The following USP49 variants were observed in gnomAD, a reference collection of about 807,000 sequenced individuals.
The protein encoded by USP49 is ubiquitin carboxyl-terminal hydrolase 49.
A neutral mutation model predicts 58.6 loss-of-function variants in USP49; 24 were observed. That is an observed-to-expected ratio of 0.41 (90% CI 0.30 to 0.58). The LOEUF (loss-of-function observed/expected upper bound fraction) is 0.58. USP49 is among the 20% of genes least tolerant of loss of function. USP49 has a pLI of 0.30. For missense variants in USP49, 703 were observed against 866.1 expected, an observed-to-expected ratio of 0.81 and a Z score of 2.36; for synonymous variants, 408 against 365.1, an observed-to-expected ratio of 1.12 and a Z score of -1.34.
intron 3 of USP49, among the ~76,000 whole-genome samples, chr6:41,869,097 T>TTA (rs1774372310): frequency 1.3e-5 from 2 of 150,552 alleles, no homozygotes; most frequent in African/African-American, 4.9e-5. Context: ...TTTTTTTTTT[T>TTA]AATTTTAACA....
chr6:41,806,333 G>A lies in USP49; in HGVS notation c.651C>T (p.Arg217=). ...KSARLLLHTP[R]DAGPAASRPA... ...GGCGCGAGGCAGCCGGGCCCGCGTC[G>A]CGGGGCGTGTGCAGGAGCAGCCGTG... The change falls in exon 4 of 8, where the codon CGC becomes CGT. Residue 217 remains arginine (R), a synonymous_variant. Transcript: ENST00000682992. The surrounding 1 kb of genome is among the most constrained non-coding windows in gnomAD (Gnocchi z 5.9). The A allele has an allele frequency of 2.0e-6, 3 of 1,531,450 alleles. No homozygotes were observed. The highest frequency in any genetic ancestry group is 2.3e-5 in the East Asian group (1 of 43,868). The allele number at this position is 1,531,450 out of a possible 1,614,324, so 94.9% of individuals were successfully genotyped here. A position where few individuals can be genotyped will look rare whatever the true frequency, so the allele number is the denominator to read the frequency against.
chr6:41,837,784 A>T (rs1773753303), intron 3 of USP49, among the ~76,000 whole-genome samples: 1 of 152,232 alleles, frequency 6.6e-6, no homozygotes, highest in Non-Finnish European at 1.5e-5. Context: ...CCCATTAGAA[A>T]GTGGGCAAAG....
intron 6 of USP49, 65 bp downstream of exon 6, chr6:41,799,765 C>A: frequency 6.2e-6 from 9 of 1,450,216 alleles, no homozygotes; most frequent in Middle Eastern, 1.8e-4. Context: ...TTTGCCCTCA[C>A]CAAAGCCTTT....
intron 3 of USP49, among the ~76,000 whole-genome samples, chr6:41,824,368 CA>C (rs1773501554): frequency 6.6e-6 from 1 of 151,346 alleles, no homozygotes; most frequent in East Asian, 1.9e-4. Context: ...TGTTTAATAG[CA>C]ACACAGTGCA....
In USP49 at chr6:41,809,328, G is replaced by A. The variant is rs560119152; in HGVS notation, c.-28-2317C>T. On this transcript the variant is annotated intron_variant, in intron 3 of 7. Transcript: ENST00000682992. ...ACCTAAGGTCAGGAGCTCGAGACCA[G>A]ACTGACCAACATGGTGAAACCCCAT... Among the ~76,000 whole-genome samples the A allele has an allele frequency of 2.1e-3, 322 of 151,224 alleles. 2 individuals carry two copies. The highest frequency in any genetic ancestry group is 7.5e-3 in the African/African-American group (310 of 41,262).
intron 3 of USP49, among the ~76,000 whole-genome samples, chr6:41,851,893 G>A (rs370943233): frequency 7.0e-6 from 1 of 142,096 alleles, no homozygotes; most frequent in South Asian, 2.2e-4. Flanking sequence ...AGCAGAGGCT[G>A]CAGTGAGCTG....
At chr6:41,876,262 CAT>C (rs1774502872) in intron 2 of USP49, among the ~76,000 whole-genome samples, 2 of 152,162 alleles carry the variant, frequency 1.3e-5, no homozygotes, top group Admixed American at 6.5e-5. Flanking sequence ...GGAGTGGAAA[CAT>C]ATCTTCATTG....
Position 41,791,666 on chromosome 6 carries a change from G to C in USP49, c.*4867C>G, listed in dbSNP as rs1772800045. 1 of 152,218 alleles carries C rather than the reference G, an allele frequency of 6.6e-6. No individual in the cohort carries two copies. The highest frequency in any genetic ancestry group is 6.5e-5 in the Admixed American group (1 of 15,276). 9.4% of individuals were successfully genotyped at this position (152,218 alleles called of 1,614,324 possible). ...AGATTTTAAACGAAATATGCCAGCA[G>C]AAGTATGGAATGAGTCCACAAAAAT... On this transcript the variant is annotated 3_prime_UTR_variant, in exon 8 of 8. Transcript: ENST00000682992.
In USP49 at chr6:41,811,920, T is replaced by C. The variant is rs954719997; in HGVS notation, c.-28-4909A>G. Reference sequence around the variant, plus strand: ...AAAATATCAAGATGCAGACAATTCCTGTTTCTCACTCTCACTAATTCAATA... The same window carrying C: ...AAAATATCAAGATGCAGACAATTCCCGTTTCTCACTCTCACTAATTCAATA... On this transcript the variant is annotated intron_variant, in intron 3 of 7. Transcript: ENST00000682992. Among the ~76,000 whole-genome samples, 6 of 152,180 alleles carry C rather than the reference T, an allele frequency of 3.9e-5. No homozygotes were observed. In the South Asian group the frequency reaches 1.0e-3, roughly 26 times the overall value.
At chr6:41,816,744 G>T (rs1773358872) in intron 3 of USP49, among the ~76,000 whole-genome samples, 1 of 150,770 alleles carries the variant, frequency 6.6e-6, no homozygotes, top group Admixed American at 6.6e-5. Context: ...TTGAGACAGG[G>T]TCTTACTCAG....
At chr6:41,866,199 G>T (rs141799333) in intron 3 of USP49, among the ~76,000 whole-genome samples, 45 of 151,664 alleles carry the variant, frequency 3.0e-4, no homozygotes, top group African/African-American at 1.1e-3. Context: ...GTATACAGGC[G>T]TTAGCCACTG....
intron 3 of USP49, among the ~76,000 whole-genome samples, chr6:41,813,207 C>A (rs1196126421): frequency 6.6e-6 from 1 of 152,142 alleles, no homozygotes; most frequent in Non-Finnish European, 1.5e-5. Context: ...CTTTTTGTGT[C>A]CTTTCCTTCG....
intron 3 of USP49, among the ~76,000 whole-genome samples, chr6:41,830,787 C>T (rs763816493): frequency 3.3e-5 from 5 of 151,810 alleles, no homozygotes; most frequent in Non-Finnish European, 7.4e-5. Context: ...CGCACCACTG[C>T]ACTCCAGCCT....
intron 2 of USP49, among the ~76,000 whole-genome samples, chr6:41,878,289 T>C (rs1240898921): frequency 6.6e-6 from 1 of 152,174 alleles, no homozygotes; most frequent in African/African-American, 2.4e-5. Flanking sequence ...TCAGGTAGAA[T>C]TCAAGAATCC....
At position 41,789,899 on chromosome 6, in the gene USP49, A is replaced by G. The variant is rs1772764471; in HGVS notation, c.*6634T>C. ...ATAAATACCGCACACAAAGGCAGTCATTTTATTCTTTTAATAAGAAACTTT... is the reference window on the plus strand; with the variant it reads ...ATAAATACCGCACACAAAGGCAGTCGTTTTATTCTTTTAATAAGAAACTTT... On this transcript the variant is annotated 3_prime_UTR_variant, in exon 8 of 8. Coordinates refer to ENST00000682992, the MANE Select transcript of USP49 (RefSeq NM_001286554.2). 2.0e-5 allele frequency: 3 copies of G among 152,222 alleles called. No homozygotes were observed. Among genetic ancestry groups the G allele is most frequent in the African/African-American group, 7.2e-5 (3 of 41,460 alleles). 9.4% of individuals were successfully genotyped at this position (152,222 alleles called of 1,614,324 possible).
chr6:41,794,782 A>G lies in USP49; in HGVS notation c.*1751T>C, dbSNP rs541151447. Reference sequence around the variant, plus strand: ...AAAATGCCATACGCTATCGCTTCCAAATAAAAGCTAAATATTACAGAAACC... The same window carrying G: ...AAAATGCCATACGCTATCGCTTCCAGATAAAAGCTAAATATTACAGAAACC... On this transcript the variant is annotated 3_prime_UTR_variant, in exon 8 of 8. Coordinates refer to ENST00000682992, the MANE Select transcript of USP49 (RefSeq NM_001286554.2). The G allele has an allele frequency of 6.6e-6, 1 of 152,378 alleles. No individual in the cohort carries two copies. Among genetic ancestry groups the G allele is most frequent in the Admixed American group, 6.5e-5 (1 of 15,308 alleles). The allele number at this position is 152,378 out of a possible 1,614,324, so 9.4% of individuals were successfully genotyped here.
At chr6:41,802,313 C>T (rs1773015085) in intron 5 of USP49, among the ~76,000 whole-genome samples, 1 of 151,786 alleles carries the variant, frequency 6.6e-6, no homozygotes, top group African/African-American at 2.4e-5. Context: ...TGAGCCACTA[C>T]ACCTGGCCTC....
chr6:41,818,507 T>C (rs1305609266), intron 3 of USP49, among the ~76,000 whole-genome samples: 2 of 152,242 alleles, frequency 1.3e-5, no homozygotes, highest in Admixed American at 1.3e-4. Flanking sequence ...CAAAGGGGCC[T>C]ACTTGCTACA....
intron 5 of USP49, among the ~76,000 whole-genome samples, chr6:41,800,925 G>A (rs1772985850): frequency 6.6e-6 from 1 of 152,208 alleles, no homozygotes; most frequent in Non-Finnish European, 1.5e-5. Flanking sequence ...CAAGGACAAA[G>A]CTGACAGGTA....
Sources: allele counts gnomAD v4.1 joint callset (sites outside exome capture counted in the v4.1 genomes callset), GRCh38; gene constraint gnomAD v4.1.1; non-coding constraint Gnocchi (gnomAD v3.1); transcripts MANE v1.5; gene names NCBI Gene and HGNC (gene_info 2026-07-23, HGNC 2026-07-21).